The following NKAIN3 variants were observed in gnomAD, a reference collection of about 807,000 sequenced individuals.
NKAIN3 encodes sodium/potassium transporting ATPase interacting 3.
NKAIN3 carries 25 observed loss-of-function variants against 30.2 expected under a neutral mutation model. The ratio of observed to expected loss-of-function variants is 0.83; its 90% confidence interval spans 0.60 to 1.16. NKAIN3 has a LOEUF of 1.16. Ranked by LOEUF, NKAIN3 falls within the 50% of genes most tolerant of loss-of-function variation. The pLI is 0.00. For synonymous variants in NKAIN3, 91 were observed against 89.6 expected (o/e 1.02, Z -0.09); for missense variants, 225 against 254.1 (o/e 0.89, Z 0.78).
rs534691166 is a variant in NKAIN3, at chr8:62,776,946, A to G, written c.471+29817A>G. The stretch of plus-strand genomic sequence containing the variant: ...CTGAGAAAGTCTTTATTTCTCCTTC[A>G]TGTTTAAAGAATATTTTCACTGGAT... On this transcript the variant is annotated intron_variant, in intron 4 of 6. Transcript: ENST00000623646. Among the ~76,000 whole-genome samples the G allele has an allele frequency of 2.7e-4, 41 of 152,250 alleles. No individual in the cohort carries two copies. In the Middle Eastern group the frequency reaches 0.02, roughly 76 times the overall value.
intron 1 of NKAIN3, among the ~76,000 whole-genome samples, chr8:62,471,297 A>C (rs1373798040): frequency 6.6e-6 from 1 of 151,972 alleles, no homozygotes; most frequent in Non-Finnish European, 1.5e-5. Context: ...GTAACAATTT[A>C]CTTCTCTAAA....
At chr8:62,269,437 A>G (rs968687944) in intron 1 of NKAIN3, among the ~76,000 whole-genome samples, 3 of 152,094 alleles carry the variant, frequency 2.0e-5, no homozygotes, top group Admixed American at 6.6e-5. Context: ...GAAAGAGTAG[A>G]CAGTATATCT....
intron 5 of NKAIN3, among the ~76,000 whole-genome samples, chr8:62,946,073 C>T (rs923401307): frequency 2.0e-5 from 3 of 152,174 alleles, no homozygotes; most frequent in African/African-American, 7.2e-5. Flanking sequence ...GTCCCATGTG[C>T]TTCTCTTCAA....
intron 1 of NKAIN3, among the ~76,000 whole-genome samples, chr8:62,320,667 C>A (rs1383618008): frequency 1.3e-5 from 2 of 152,238 alleles, no homozygotes; most frequent in Non-Finnish European, 2.9e-5. Context: ...GGCCCCCACT[C>A]TCTTCTGGCT....
intron 1 of NKAIN3, among the ~76,000 whole-genome samples, chr8:62,377,499 T>C (rs966578356): frequency 1.3e-5 from 2 of 152,226 alleles, no homozygotes; most frequent in Admixed American, 6.5e-5. Context: ...TTATTGCCTT[T>C]GTGGAGTAGA....
intron 4 of NKAIN3, chr8:62,863,444 GA>G (rs1820318235): frequency 6.4e-7 from 1 of 1,555,596 alleles, no homozygotes; most frequent in African/African-American, 1.4e-5. Context: ...TTACTGTGTA[GA>G]TATTCTAACC....
chr8:62,336,731 T>G (rs140620830), intron 1 of NKAIN3, among the ~76,000 whole-genome samples: 58 of 152,154 alleles, frequency 3.8e-4, no homozygotes, highest in African/African-American at 1.1e-3. Context: ...ATGACTTTTG[T>G]AGACTAAAAA....
At chr8:62,887,740 T>C (rs1821191474) in intron 4 of NKAIN3, among the ~76,000 whole-genome samples, 1 of 152,230 alleles carries the variant, frequency 6.6e-6, no homozygotes, top group Non-Finnish European at 1.5e-5. Context: ...ACTTTTTTCT[T>C]AGAATTCCAT....
At chr8:62,457,064 A>G (rs994981177) in intron 1 of NKAIN3, among the ~76,000 whole-genome samples, 1 of 152,212 alleles carries the variant, frequency 6.6e-6, no homozygotes. Flanking sequence ...CCTGGCATGT[A>G]GTAGGTGCTT....
At chr8:62,635,417 TCCTCCCTTCCAC>T in intron 3 of NKAIN3, among the ~76,000 whole-genome samples, 1 of 152,186 alleles carries the variant, frequency 6.6e-6, no homozygotes, top group Middle Eastern at 3.4e-3. Flanking sequence ...TAAAGGAGGG[TCCTCCCTTCCAC>T]CAGCTGGTGA....
intron 4 of NKAIN3, among the ~76,000 whole-genome samples, chr8:62,796,880 T>C (rs558913181): frequency 7.9e-5 from 12 of 151,862 alleles, no homozygotes; most frequent in Admixed American, 2.0e-4. Context: ...AATCTGTCCA[T>C]TAGCACTTCA....
chr8:62,700,274 T>C (rs1814291812), intron 3 of NKAIN3, among the ~76,000 whole-genome samples: 1 of 152,210 alleles, frequency 6.6e-6, no homozygotes, highest in South Asian at 2.1e-4. Flanking sequence ...GGTTCAAATG[T>C]ACTTGACAAT....
intron 3 of NKAIN3, among the ~76,000 whole-genome samples, chr8:62,653,254 A>G (rs938695389): frequency 6.6e-6 from 1 of 152,158 alleles, no homozygotes; most frequent in African/African-American, 2.4e-5. Flanking sequence ...TGGCTTGCAG[A>G]GGGCCACCTT....
chr8:62,869,979 C>T (rs1050845121), intron 4 of NKAIN3, among the ~76,000 whole-genome samples: 2 of 151,654 alleles, frequency 1.3e-5, no homozygotes, highest in Non-Finnish European at 2.9e-5. Flanking sequence ...GCCGTGTTAG[C>T]CAAGATGGTC....
chr8:62,661,438 T>A (rs2130360735), intron 3 of NKAIN3, among the ~76,000 whole-genome samples: 1 of 152,364 alleles, frequency 6.6e-6, no homozygotes, highest in Non-Finnish European at 1.5e-5. Context: ...TTTAATTTTC[T>A]CTAGCTGTTT....
intron 4 of NKAIN3, among the ~76,000 whole-genome samples, chr8:62,912,333 G>A (rs950307236): frequency 1.3e-5 from 2 of 152,032 alleles, no homozygotes; most frequent in African/African-American, 2.4e-5. Flanking sequence ...TGAAGGCCTA[G>A]GATGTTACTC....
chr8:62,953,016 A>AT (rs1823328198), intron 5 of NKAIN3, among the ~76,000 whole-genome samples: 1 of 152,090 alleles, frequency 6.6e-6, no homozygotes, highest in Non-Finnish European at 1.5e-5. Context: ...TGTCTTATGA[A>AT]TTTTTTGCCA....
chr8:62,498,689 C>G (rs1040084710), intron 1 of NKAIN3, among the ~76,000 whole-genome samples: 2 of 151,202 alleles, frequency 1.3e-5, no homozygotes, highest in Non-Finnish European at 2.9e-5. Flanking sequence ...ACCAAGAATC[C>G]AATCAACCAA....
At chr8:62,718,141 C>T (rs369602354) in intron 3 of NKAIN3, among the ~76,000 whole-genome samples, 11 of 152,138 alleles carry the variant, frequency 7.2e-5, no homozygotes, top group African/African-American at 2.7e-4. Context: ...ATGAGAAAGA[C>T]AAGCCCCCAT....
Sources: allele counts gnomAD v4.1 joint callset (sites outside exome capture counted in the v4.1 genomes callset), GRCh38; gene constraint gnomAD v4.1.1; transcripts MANE v1.5; gene names NCBI Gene and HGNC (gene_info 2026-07-23, HGNC 2026-07-21).